The following ABR variants were observed in gnomAD, a reference collection of about 807,000 sequenced individuals.
ABR encodes the protein ABR activator of RhoGEF and GTPase.
In ABR, 35 loss-of-function variants were observed where a neutral mutation model predicts 107.2. The observed-to-expected ratio is 0.33, with a 90% CI of 0.25 to 0.43. The LOEUF is 0.43. Ranked by LOEUF, ABR falls within the 20% of genes least tolerant of loss-of-function variation. ABR has a pLI of 1.00. For synonymous variants in ABR, 498 were observed against 462.0 expected, an observed-to-expected ratio of 1.08 and a Z score of -1.00; for missense variants, 815 against 1,115.2, an observed-to-expected ratio of 0.73 and a Z score of 3.83.
In ABR at chr17:1,037,010, TCCATCCTTCCTTCCTTCCATCCATCCAC is replaced by T. The variant is rs1567625444; in HGVS notation, c.1791+13012_1791+13039del. Among the ~76,000 whole-genome samples, 7 of 151,422 alleles carry T rather than the reference TCCATCCTTCCTTCCTTCCATCCATCCAC, an allele frequency of 4.6e-5. No homozygotes were observed. Among genetic ancestry groups the T allele is most frequent in the African/African-American group, 1.7e-4 (7 of 40,860 alleles). ...TTCCTTCCTTCCATCCTTCCTTCCTTCCATCCTTCCTTCCTTCCATCCATCCACCCATCCATCCATCCATCCACCCATC... is the reference window on the plus strand; with the variant it reads ...TTCCTTCCTTCCATCCTTCCTTCCTTCCATCCATCCATCCATCCACCCATC... On this transcript the variant is annotated intron_variant, in intron 16 of 22. Transcript: ENST00000302538. The surrounding 1 kb of genome is among the most constrained non-coding windows in gnomAD (Gnocchi z 4.6).
intron 13 of ABR, 121 bp downstream of exon 13, chr17:1,056,877 G>C: frequency 1.5e-6 from 1 of 676,284 alleles, no homozygotes; most frequent in Non-Finnish European, 2.7e-6. Context: ...AACAGTCTCA[G>C]CACAGCCGAG....
At chr17:1,203,324 T>TG (rs1295414935) in intron 1 of ABR, among the ~76,000 whole-genome samples, 10 of 34,196 alleles carry the variant, frequency 2.9e-4, no homozygotes, top group Admixed American at 2.9e-3. Flanking sequence ...GCGGAGTCCA[T>TG]GGGGGGCGGG....
At chr17:1,181,379 G>T (rs900551571), upstream of ABR, among the ~76,000 whole-genome samples, 10 of 152,272 alleles carry the variant, frequency 6.6e-5, no homozygotes, top group Admixed American at 6.5e-4. Context: ...GATGCTCTGG[G>T]TGGGGAAGCC....
At chr17:1,220,822 G>C (rs1040906266) in intron 1 of ABR, among the ~76,000 whole-genome samples, 2 of 152,110 alleles carry the variant, frequency 1.3e-5, no homozygotes, top group Non-Finnish European at 2.9e-5. Flanking sequence ...AATCAACCAG[G>C]AACTTATCGA....
intron 2 of ABR, among the ~76,000 whole-genome samples, chr17:1,107,365 C>T (rs1380160418): frequency 2.6e-5 from 4 of 152,226 alleles, no homozygotes; most frequent in Non-Finnish European, 5.9e-5. Flanking sequence ...AGGCACCAGC[C>T]CCACACCAAG....
At chr17:1,102,253 A>G (rs570677696) in intron 2 of ABR, among the ~76,000 whole-genome samples, 4 of 152,242 alleles carry the variant, frequency 2.6e-5, no homozygotes, top group African/African-American at 9.6e-5. Context: ...CTGCTGCCTA[A>G]AATGCCATCT....
At chr17:1,203,021 G>A (rs532760803) in intron 1 of ABR, among the ~76,000 whole-genome samples, 10 of 151,950 alleles carry the variant, frequency 6.6e-5, no homozygotes, top group Admixed American at 5.2e-4. Flanking sequence ...CAAGTAGGTG[G>A]GATTAAAGGC....
chr17:1,042,734 A>G (rs968159502), intron 16 of ABR, among the ~76,000 whole-genome samples: 1 of 150,346 alleles, frequency 6.7e-6, no homozygotes, highest in Non-Finnish European at 1.5e-5. Context: ...ATAAACAGAC[A>G]TGGCACCTAC....
chr17:1,078,379 C>T lies in ABR; in HGVS notation c.700+951G>A, dbSNP rs562818189. On this transcript the variant is annotated intron_variant, in intron 6 of 22. Transcript: ENST00000302538. This position sits in a 1 kb window ranked among gnomAD's most constrained non-coding sequence, Gnocchi z 7.5. ...ACTCCCAACTTCTCCCTCTGGCTCG[C>T]GCTGGCACCCTCTCGGCTGGCAACG... Among the ~76,000 whole-genome samples the T allele has an allele frequency of 2.6e-5, 4 of 152,298 alleles. No individual in the cohort carries two copies. The highest frequency in any genetic ancestry group is 4.1e-4 in the South Asian group (2 of 4,830).
chr17:1,043,268 A>G (rs1224945831), intron 16 of ABR, among the ~76,000 whole-genome samples: 1 of 151,954 alleles, frequency 6.6e-6, no homozygotes, highest in Admixed American at 6.6e-5. Context: ...CCCAGGTTCA[A>G]GCAATTCTCC....
chr17:1,053,761 C>T (rs911697359), intron 14 of ABR, among the ~76,000 whole-genome samples: 2 of 152,100 alleles, frequency 1.3e-5, no homozygotes, highest in African/African-American at 4.8e-5. Context: ...TGGGAGGCCA[C>T]GGGTCGGCTC....
chr17:1,124,702 C>T (rs1288991150), intron 2 of ABR, among the ~76,000 whole-genome samples: 2 of 152,334 alleles, frequency 1.3e-5, no homozygotes, highest in South Asian at 2.1e-4. Context: ...TGTTCCCTTC[C>T]AGAGTGAACA....
intron 3 of ABR, among the ~76,000 whole-genome samples, chr17:1,096,203 CCA>C (rs1187406047): frequency 6.6e-6 from 1 of 152,212 alleles, no homozygotes; most frequent in Non-Finnish European, 1.5e-5. Context: ...CACAAGCACC[CCA>C]GAGGCCAGGA....
At chr17:1,093,210 T>C in intron 3 of ABR, among the ~76,000 whole-genome samples, 1 of 151,410 alleles carries the variant, frequency 6.6e-6, no homozygotes, top group East Asian at 2.0e-4. Flanking sequence ...GGCTCACACC[T>C]GTCATCCTAG....
chr17:1,174,691 C>T (rs901368663), intron 1 of ABR, among the ~76,000 whole-genome samples: 14 of 152,182 alleles, frequency 9.2e-5, no homozygotes, highest in African/African-American at 1.4e-4. Context: ...CCTTCCATGA[C>T]GGCCAAGCCA....
rs1379800414 is a variant in ABR at position 1,084,206 on chromosome 17, G to A, written c.532-579C>T. On this transcript the variant is annotated intron_variant, in intron 4 of 22. Coordinates refer to ENST00000302538, the MANE Select transcript of ABR (RefSeq NM_021962.5). The surrounding 1 kb of genome is among the most constrained non-coding windows in gnomAD (Gnocchi z 4.2). ...AGCCTGGCCAACATGGCGAAACCCC[G>A]TCTCTACTAAAAATACAAAAATTAG... Among the ~76,000 whole-genome samples, 1 of 152,158 alleles carries A rather than the reference G, an allele frequency of 6.6e-6. No individual in the cohort carries two copies. Among genetic ancestry groups the A allele is most frequent in the Non-Finnish European group, 1.5e-5 (1 of 68,012 alleles).
intron 1 of ABR, among the ~76,000 whole-genome samples, chr17:1,215,575 A>C (rs2042985155): frequency 6.6e-6 from 1 of 152,014 alleles, no homozygotes; most frequent in African/African-American, 2.4e-5. Flanking sequence ...CAGTGGCGTG[A>C]TCTCGGCTCA....
intron 1 of ABR, among the ~76,000 whole-genome samples, chr17:1,178,520 C>T (rs113641084): frequency 3.3e-5 from 5 of 151,154 alleles, no homozygotes; most frequent in South Asian, 2.1e-4. Flanking sequence ...GCGGAGATTG[C>T]GCCACTGCAC....
At chr17:1,007,474 C>T (rs72812084) in intron 21 of ABR, among the ~76,000 whole-genome samples, 162 bp from the exon 22 acceptor site, 2,599 of 152,292 alleles carry the variant, frequency 0.017, 42 homozygotes, top group Non-Finnish European at 0.026. Flanking sequence ...GAAGGGGACT[C>T]ATCCAGGAGA....
Sources: allele counts gnomAD v4.1 joint callset (sites outside exome capture counted in the v4.1 genomes callset), GRCh38; gene constraint gnomAD v4.1.1; non-coding constraint Gnocchi (gnomAD v3.1); transcripts MANE v1.5; gene names NCBI Gene and HGNC (gene_info 2026-07-23, HGNC 2026-07-21).